CD48: variants seen among roughly 807,000 people sequenced by gnomAD.
CD48 encodes the protein CD48 molecule.
CD48 carries 20 observed loss-of-function variants against 22.0 expected under a neutral mutation model. That is an observed-to-expected ratio of 0.91 (90% CI 0.64 to 1.32). The LOEUF (loss-of-function observed/expected upper bound fraction) is 1.32. CD48 is among the 40% of genes most tolerant of loss of function. CD48 has a pLI of 0.00. For missense variants in CD48, 307 were observed against 286.5 expected, an observed-to-expected ratio of 1.07 and a Z score of -0.52; for synonymous variants, 110 against 110.1, an observed-to-expected ratio of 1.00 and a Z score of 0.01.
chr1:160,679,008 G>T lies in CD48; in HGVS notation c.*44C>A. 1.4e-6 allele frequency: 2 copies of T among 1,444,038 alleles called. No individual in the cohort carries two copies. Among genetic ancestry groups the T allele is most frequent in the Non-Finnish European group, 2.0e-6 (2 of 1,025,042 alleles). 89.5% of individuals were successfully genotyped at this position (1,444,038 alleles called of 1,614,324 possible). On this transcript the variant is annotated 3_prime_UTR_variant, in exon 4 of 4. Coordinates refer to ENST00000368046, the MANE Select transcript of CD48 (RefSeq NM_001778.4). Reference sequence around the variant, plus strand: ...GAGGAGCATGATCACCAACAGGCAAGATCTTCTGGCCTTGAAGTTTCGCTT... The same window carrying T: ...GAGGAGCATGATCACCAACAGGCAATATCTTCTGGCCTTGAAGTTTCGCTT...
rs1318126004 is a variant in CD48 at position 160,697,035 on chromosome 1, T to A, written c.83-11846A>T. ...AGTAAGGAGTGTACCACTCCTCAGA[T>A]GCAACTTAATCTAGCACTCTATACT... is the stretch of plus-strand genomic sequence containing the variant. On this transcript the variant is annotated intron_variant, in intron 1 of 3. Transcript: ENST00000368046. Among the ~76,000 whole-genome samples the A allele has an allele frequency of 3.3e-5, 5 of 152,124 alleles. No homozygotes were observed. In the East Asian group the frequency reaches 9.6e-4, roughly 29 times the overall value.
At position 160,685,184 on chromosome 1, in the gene CD48, A is replaced by G. The variant is rs35918317; in HGVS notation, c.88T>C (p.Leu30=). ...SLLVTSIQGH[L]VHMTVVSGSN... ...CCGGAGACCACGGTCATATGTACCA[A>G]GTGACCTGCCAATGAGATTCAGAGT... The change falls in exon 2 of 4, where the codon TTG becomes CTG. Residue 30 remains leucine, a synonymous_variant. Transcript: ENST00000368046. The G allele has an allele frequency of 2.8e-3, 4,425 of 1,603,824 alleles. 124 individuals are homozygous for G. In the African/African-American group the frequency reaches 0.053, roughly 19 times the overall value.
chr1:160,694,448 G>A (rs997865319), intron 1 of CD48, among the ~76,000 whole-genome samples: 2 of 151,160 alleles, frequency 1.3e-5, no homozygotes, highest in Non-Finnish European at 1.5e-5. Flanking sequence ...AGGACTTGTC[G>A]GCATAGTCAC....
intron 1 of CD48, among the ~76,000 whole-genome samples, chr1:160,702,047 C>G (rs1309764941): frequency 6.6e-6 from 1 of 152,136 alleles, no homozygotes; most frequent in African/African-American, 2.4e-5. Flanking sequence ...GAGCAACTGA[C>G]TCACCAGACG....
intron 3 of CD48, among the ~76,000 whole-genome samples, chr1:160,679,621 G>A (rs1173624922): frequency 6.6e-6 from 1 of 152,166 alleles, no homozygotes; most frequent in East Asian, 1.9e-4. Flanking sequence ...GGAAAGCTTA[G>A]ATGCTGGGGT....
chr1:160,688,522 G>A (rs901129523), intron 1 of CD48, among the ~76,000 whole-genome samples: 59 of 152,196 alleles, frequency 3.9e-4, no homozygotes, highest in African/African-American at 1.3e-3. Flanking sequence ...AGCATGTAAG[G>A]AGGCTTAACA....
At chr1:160,707,482 G>C (rs1215389895) in intron 1 of CD48, among the ~76,000 whole-genome samples, 1 of 152,098 alleles carries the variant, frequency 6.6e-6, no homozygotes, top group Non-Finnish European at 1.5e-5. Context: ...TTGACTGGGA[G>C]GAGGGACACT....
At chr1:160,682,828 G>C (rs906061037) in intron 2 of CD48, among the ~76,000 whole-genome samples, 2 of 152,228 alleles carry the variant, frequency 1.3e-5, no homozygotes, top group Non-Finnish European at 2.9e-5. Context: ...CCCAGCATCT[G>C]GTCCTTCCTT....
At chr1:160,682,411 C>T (rs1374244652) in intron 2 of CD48, among the ~76,000 whole-genome samples, 1 of 141,562 alleles carries the variant, frequency 7.1e-6, no homozygotes, top group African/African-American at 2.6e-5. Context: ...GTGCAATAAA[C>T]TATGATTATA....
intron 1 of CD48, chr1:160,691,741 AC>A (rs1662227683): frequency 2.8e-6 from 1 of 351,348 alleles, no homozygotes; most frequent in Non-Finnish European, 5.1e-6. Flanking sequence ...TGGAGGGGCA[AC>A]CCACCCCTTC....
intron 1 of CD48, among the ~76,000 whole-genome samples, chr1:160,692,544 G>C (rs1662260046): frequency 6.6e-6 from 1 of 152,108 alleles, no homozygotes; most frequent in Non-Finnish European, 1.5e-5. Context: ...CCGAACTTCA[G>C]TATCGGCCAC....
At chr1:160,690,263 G>T (rs1183566612) in intron 1 of CD48, among the ~76,000 whole-genome samples, 1 of 152,128 alleles carries the variant, frequency 6.6e-6, no homozygotes, top group Admixed American at 6.5e-5. Context: ...TTTAAAAATG[G>T]GCCGTGCCTT....
chr1:160,703,437 G>A (rs1323217417), intron 1 of CD48, among the ~76,000 whole-genome samples: 2 of 152,158 alleles, frequency 1.3e-5, no homozygotes, highest in Non-Finnish European at 2.9e-5. Flanking sequence ...AGGGTGAGGG[G>A]CTGTAGTGGA....
intron 3 of CD48, 86 bp downstream of exon 3, chr1:160,681,116 A>AG: frequency 1.2e-6 from 2 of 1,602,890 alleles, no homozygotes; most frequent in Non-Finnish European, 8.5e-7. Flanking sequence ...CTGTGCAAGG[A>AG]GGCTGAATAG....
chr1:160,685,220 C>T (rs747335658), intron 1 of CD48, 31 bp from the exon 2 acceptor site: 95 of 1,552,884 alleles, frequency 6.1e-5, no homozygotes, highest in South Asian at 3.5e-4. Context: ...GAGACCTGCG[C>T]TAGAGGAGGC....
intron 1 of CD48, among the ~76,000 whole-genome samples, chr1:160,692,477 C>T (rs1027507026): frequency 4.6e-5 from 7 of 152,078 alleles, no homozygotes; most frequent in Admixed American, 3.9e-4. Flanking sequence ...CAACCTCAAG[C>T]GCAGGTTAGA....
chr1:160,682,646 C>T (rs1181586465), intron 2 of CD48, among the ~76,000 whole-genome samples: 1 of 152,094 alleles, frequency 6.6e-6, no homozygotes, highest in Admixed American at 6.5e-5. Context: ...AGGTAGTTAA[C>T]CCCCTTGCTG....
At position 160,685,208 on chromosome 1, in the gene CD48, G is replaced by A. The variant is rs1200651771; in HGVS notation, c.83-19C>T. The A allele has an allele frequency of 3.8e-6, 6 of 1,588,472 alleles. No individual in the cohort carries two copies. The highest frequency in any genetic ancestry group is 5.2e-6 in the Non-Finnish European group (6 of 1,163,468). On this transcript the variant is annotated intron_variant, in intron 1 of 3. Transcript: ENST00000368046. ...AAGTGACCTGCCAATGAGATTCAGAGTGAGACCTGCGCTAGAGGAGGCAGT... is the reference window on the plus strand; with the variant it reads ...AAGTGACCTGCCAATGAGATTCAGAATGAGACCTGCGCTAGAGGAGGCAGT...
At chr1:160,685,711 G>C (rs1342606267) in intron 1 of CD48, among the ~76,000 whole-genome samples, 2 of 152,116 alleles carry the variant, frequency 1.3e-5, no homozygotes, top group Admixed American at 6.5e-5. Context: ...TAAAGGTAAC[G>C]TGGGGACCAA....
Sources: allele counts gnomAD v4.1 joint callset (sites outside exome capture counted in the v4.1 genomes callset), GRCh38; gene constraint gnomAD v4.1.1; transcripts MANE v1.5; gene names NCBI Gene and HGNC (gene_info 2026-07-23, HGNC 2026-07-21).